The following GLOD5 variants were observed in gnomAD, a reference collection of about 807,000 sequenced individuals.
The protein encoded by GLOD5 is glyoxalase domain-containing protein 5.
In GLOD5, 7 loss-of-function variants were observed where a neutral mutation model predicts 9.9. The observed-to-expected ratio is 0.71, with a 90% CI of 0.40 to 1.33. The LOEUF is 1.33. GLOD5 is among the 40% of genes most tolerant of loss of function. The pLI is 0.01. For missense variants in GLOD5, 146 were observed against 128.4 expected (o/e 1.14, Z -0.66); for synonymous variants, 49 against 47.3 (o/e 1.04, Z -0.14).
At chrX:48,768,453 C>A (rs188026207) in intron 2 of GLOD5, among the ~76,000 whole-genome samples, 1 of 112,046 alleles carries the variant, frequency 8.9e-6, no homozygotes. Flanking sequence ...ATAGTCCTTG[C>A]GTGGGCCAAT....
chrX:48,765,591 A>AG (rs2062606748), intron 1 of GLOD5: 3 of 365,318 alleles, frequency 8.2e-6, no homozygotes, highest in African/African-American at 5.4e-5. Flanking sequence ...AAAAAAAAAA[A>AG]AAAAAAAAAA....
At chrX:48,772,593 G>A (rs1227504607) in intron 3 of GLOD5, among the ~76,000 whole-genome samples, 1 of 110,870 alleles carries the variant, frequency 9.0e-6, no homozygotes, top group Non-Finnish European at 1.9e-5. Context: ...CACGGATTGA[G>A]GTCTTATATA....
At chrX:48,772,632 C>A (rs1388688617) in intron 3 of GLOD5, among the ~76,000 whole-genome samples, 1 of 111,511 alleles carries the variant, frequency 9.0e-6, no homozygotes, top group Non-Finnish European at 1.9e-5. Flanking sequence ...TAGACTCCTT[C>A]TTTGGGAAGT....
intron 2 of GLOD5, among the ~76,000 whole-genome samples, chrX:48,768,902 C>T (rs1228953343): frequency 5.5e-5 from 6 of 109,551 alleles, no homozygotes; most frequent in Non-Finnish European, 7.6e-5. Flanking sequence ...TGGTGGCTCG[C>T]GCCTGTAGTC....
chrX:48,762,937 G>A (rs1158498273), intron 1 of GLOD5, among the ~76,000 whole-genome samples: 7 of 111,893 alleles, frequency 6.3e-5, no homozygotes, highest in Admixed American at 9.6e-5. Context: ...ATGGAGCTCC[G>A]AGTCTGCAAA....
At position 48,773,536 on chromosome X, in the gene GLOD5, C is replaced by T. The variant is rs1233110717; in HGVS notation, c.*101C>T. The T allele has an allele frequency of 1.1e-6, 1 of 936,565 alleles. No homozygotes were observed. Among genetic ancestry groups the T allele is most frequent in the Non-Finnish European group, 1.5e-6 (1 of 676,680 alleles). The allele number at this position is 936,565 out of a possible 1,213,427, so 77.2% of individuals were successfully genotyped here. ...CCCAGAGATCTCCAAAGACTGAGGA[C>T]TTAGGCACTTCACACATCCTGCTGA... On this transcript the variant is annotated 3_prime_UTR_variant, in exon 4 of 4. Transcript: ENST00000303227.
At chrX:48,766,076 G>C in intron 2 of GLOD5, 104 bp downstream of exon 2, 1 of 783,713 alleles carries the variant, frequency 1.3e-6, no homozygotes, top group South Asian at 2.3e-5. Context: ...AAATCTGAGA[G>C]AAAATATAAA....
intron 1 of GLOD5, 28 bp from the exon 2 acceptor site, chrX:48,765,807 C>T (rs782133429): frequency 1.5e-4 from 174 of 1,175,388 alleles, no homozygotes; most frequent in Non-Finnish European, 1.6e-4. Context: ...GCAATGTGGT[C>T]TCTTCTGACT....
chrX:48,772,462 A>G (rs939831011), intron 3 of GLOD5, among the ~76,000 whole-genome samples: 2 of 111,261 alleles, frequency 1.8e-5, no homozygotes, highest in Non-Finnish European at 3.8e-5. Flanking sequence ...GGATCGTTTG[A>G]GCCCAGGTTG....
In GLOD5 at chrX:48,773,305, T is replaced by C. The variant is rs781826349; in HGVS notation, c.358-5T>C. ...AACGACTTTTGTCTTTTCTTCCCAC[T>C]TCAGGCTTGTGATGTCCCTATTGAG... On this transcript the variant is annotated splice_polypyrimidine_tract_variant and splice_region_variant and intron_variant, in intron 3 of 3. Coordinates refer to ENST00000303227, the MANE Select transcript of GLOD5 (RefSeq NM_001080489.3). 2.1e-5 allele frequency: 25 copies of C among 1,208,405 alleles called. No individual in the cohort carries two copies. The South Asian group carries it at 4.4e-4, about 21-fold the overall frequency.
rs191648128 is a variant in GLOD5, at chrX:48,762,753, T to C, written c.63+900T>C. 1.1e-3 allele frequency among the ~76,000 whole-genome samples: 124 copies of C among 111,655 alleles called. 2 individuals carry two copies. The highest frequency in any genetic ancestry group is 4.6e-3 in the Middle Eastern group (1 of 219). On this transcript the variant is annotated intron_variant, in intron 1 of 3. Coordinates refer to ENST00000303227, the MANE Select transcript of GLOD5 (RefSeq NM_001080489.3). ...CACCCAGTCCTTTGTGTGATGACTA[T>C]GTCTTGATCATCATTTTATAAAGCA...
At chrX:48,765,995 A>G in intron 2 of GLOD5, 23 bp downstream of exon 2, 1 of 1,194,550 alleles carries the variant, frequency 8.4e-7, no homozygotes, top group Non-Finnish European at 1.1e-6. Flanking sequence ...CCAAATGCCA[A>G]AATTCAGGTG....
At chrX:48,769,341 C>T (rs868978720) in intron 2 of GLOD5, among the ~76,000 whole-genome samples, 1 of 39,995 alleles carries the variant, frequency 2.5e-5, no homozygotes, top group Non-Finnish European at 5.0e-5. Context: ...ACTGTCTCTA[C>T]AAAAAAAAAA....
At chrX:48,772,648 T>G (rs1466200970) in intron 3 of GLOD5, among the ~76,000 whole-genome samples, 1 of 111,471 alleles carries the variant, frequency 9.0e-6, no homozygotes, top group African/African-American at 3.3e-5. Context: ...GAAGTGTCAG[T>G]GAAAAAGACT....
In GLOD5 at chrX:48,773,488, C is replaced by G; in HGVS notation, c.*53C>G. Reference sequence around the variant, plus strand: ...CCCCTTGATGTCGCCCTCTCCTTTCCTTCCTGCAAACCCCCACCCAGGCCC... The same window carrying G: ...CCCCTTGATGTCGCCCTCTCCTTTCGTTCCTGCAAACCCCCACCCAGGCCC... On this transcript the variant is annotated 3_prime_UTR_variant, in exon 4 of 4. Transcript: ENST00000303227. 1 of 1,171,295 alleles carries G rather than the reference C, an allele frequency of 8.5e-7. No individual in the cohort carries two copies.
At chrX:48,773,257 G>C in intron 3 of GLOD5, 53 bp from the exon 4 acceptor site, 1 of 1,158,204 alleles carries the variant, frequency 8.6e-7, no homozygotes, top group Non-Finnish European at 1.2e-6. Context: ...ATTAAATTTT[G>C]GTCTCACACA....
At chrX:48,770,825 AT>A (rs782232590) in intron 2 of GLOD5, 101 bp from the exon 3 acceptor site, 57 of 669,090 alleles carry the variant, frequency 8.5e-5, no homozygotes, top group Middle Eastern at 3.2e-4. Context: ...TCTAGTTTTT[AT>A]TTTTTTTAAA....
At chrX:48,769,377 G>A (rs1158349663) in intron 2 of GLOD5, among the ~76,000 whole-genome samples, 3 of 108,332 alleles carry the variant, frequency 2.8e-5, no homozygotes, top group Non-Finnish European at 5.8e-5. Flanking sequence ...TTAGCCAGGC[G>A]TGGTGGTGCG....
intron 1 of GLOD5, among the ~76,000 whole-genome samples, chrX:48,763,267 T>C (rs1370380984): frequency 8.9e-6 from 1 of 112,226 alleles, no homozygotes; most frequent in Non-Finnish European, 1.9e-5. Context: ...AGTTGATTCT[T>C]TGAACAGATT....
Sources: allele counts gnomAD v4.1 joint callset (sites outside exome capture counted in the v4.1 genomes callset), GRCh38; gene constraint gnomAD v4.1.1; transcripts MANE v1.5; gene names NCBI Gene and HGNC (gene_info 2026-07-23, HGNC 2026-07-21).